The following ANO4 variants were observed in gnomAD, a reference collection of about 807,000 sequenced individuals.
ANO4 encodes the protein anoctamin-4.
In ANO4, 69 loss-of-function variants were observed where a neutral mutation model predicts 141.9. The observed-to-expected ratio is 0.49, with a 90% CI of 0.40 to 0.59. The LOEUF is 0.59. ANO4 is among the 20% of genes least tolerant of loss of function. ANO4 has a pLI of 0.00. For missense variants in ANO4, 894 were observed against 1,162.2 expected, an observed-to-expected ratio of 0.77 and a Z score of 3.36; for synonymous variants, 350 against 394.3, an observed-to-expected ratio of 0.89 and a Z score of 1.33.
intron 17 of ANO4, 144 bp downstream of exon 17, chr12:101,086,968 T>A (rs2049529256): frequency 1.0e-6 from 1 of 952,762 alleles, no homozygotes; most frequent in South Asian, 1.8e-5. Context: ...GTGCCTGGCA[T>A]GAAGATGCAC....
At chr12:100,819,953 C>T (rs530050643) in intron 1 of ANO4, among the ~76,000 whole-genome samples, 3 of 151,758 alleles carry the variant, frequency 2.0e-5, no homozygotes, top group South Asian at 2.1e-4. Flanking sequence ...TTGTTGGGGC[C>T]GTGTCTTATT....
At chr12:100,733,652 T>C in intron 1 of ANO4, 1 of 594,314 alleles carries the variant, frequency 1.7e-6, no homozygotes, top group Non-Finnish European at 3.0e-6. Context: ...TGAATGAGTA[T>C]GAGACTACCC....
chr12:100,912,410 GAAAAA>G (rs1232614824), intron 2 of ANO4, among the ~76,000 whole-genome samples: 30 of 49,394 alleles, frequency 6.1e-4, no homozygotes, highest in African/African-American at 1.9e-3. Context: ...AAAAAAAAAA[GAAAAA>G]AGAAAAAAAA....
chr12:100,815,670 T>C (rs754383638), intron 1 of ANO4, among the ~76,000 whole-genome samples: 51 of 152,078 alleles, frequency 3.4e-4, no homozygotes, highest in Admixed American at 3.3e-3. Flanking sequence ...ACAATTCAGA[T>C]TTACCAGCCT....
intron 4 of ANO4, among the ~76,000 whole-genome samples, chr12:100,940,124 T>G (rs1225527480): frequency 6.6e-6 from 1 of 151,936 alleles, no homozygotes. Flanking sequence ...CAGAGAAAAT[T>G]GTTTACTCTT....
chr12:100,868,584 C>T (rs2038876971), intron 1 of ANO4, among the ~76,000 whole-genome samples: 2 of 152,150 alleles, frequency 1.3e-5, no homozygotes, highest in Admixed American at 6.6e-5. Flanking sequence ...CCATTGATAA[C>T]AAAGACACTG....
rs2035066107 is a variant in ANO4, at chr12:100,806,562, TG to T, written c.-141+11536del. On this transcript the variant is annotated intron_variant, in intron 1 of 27. Transcript: ENST00000392977. ...TTTTTTTTTTTTTTTTTTTTTTTTG[TG>T]AGACAGAGTCTCGCTCTGTCACCCA... 3.1e-5 allele frequency among the ~76,000 whole-genome samples: 3 copies of T among 95,970 alleles called. 1 individual carries two copies. The highest frequency in any genetic ancestry group is 1.5e-4 in the African/African-American group (3 of 20,418). The allele number at this position is 95,970 out of a possible 152,430, so 63.0% of individuals were successfully genotyped here. A position where few individuals can be genotyped will look rare whatever the true frequency, so the allele number is the denominator to read the frequency against.
At chr12:100,919,758 A>G (rs892433868) in intron 2 of ANO4, among the ~76,000 whole-genome samples, 8 of 147,262 alleles carry the variant, frequency 5.4e-5, no homozygotes, top group Admixed American at 6.8e-5. Context: ...CTATCTATCT[A>G]TCTATCTATC....
At chr12:100,989,621 A>AGATG (rs375754773) in intron 8 of ANO4, among the ~76,000 whole-genome samples, 20,337 of 102,680 alleles carry the variant, frequency 0.2, 1,593 homozygotes, top group Admixed American at 0.24. Context: ...ATGGATGGAT[A>AGATG]GATGGATGGA....
upstream of ANO4, among the ~76,000 whole-genome samples, chr12:100,790,187 A>G (rs895508521): frequency 1.3e-5 from 2 of 152,212 alleles, no homozygotes; most frequent in Admixed American, 6.5e-5. Context: ...ATGAGATAAT[A>G]TAGGAAGTAA....
At chr12:100,806,290 A>T (rs146897065) in intron 1 of ANO4, among the ~76,000 whole-genome samples, 1 of 152,288 alleles carries the variant, frequency 6.6e-6, no homozygotes, top group African/African-American at 2.4e-5. Context: ...TACTCCCATC[A>T]GCAATGAATG....
chr12:100,948,122 G>A (rs1002780648), intron 5 of ANO4, among the ~76,000 whole-genome samples: 1 of 132,096 alleles, frequency 7.6e-6, no homozygotes, highest in African/African-American at 3.0e-5. Context: ...CTGCACTGCA[G>A]CCTGGGTGAC....
intron 8 of ANO4, among the ~76,000 whole-genome samples, chr12:101,011,532 T>C (rs1422221242): frequency 6.6e-6 from 1 of 152,114 alleles, no homozygotes; most frequent in Non-Finnish European, 1.5e-5. Flanking sequence ...GTGTACACTC[T>C]TTGTGAGCCA....
chr12:100,751,052 T>A (rs2032352314), intron 3 of ANO4, among the ~76,000 whole-genome samples: 1 of 152,142 alleles, frequency 6.6e-6, no homozygotes, highest in African/African-American at 2.4e-5. Context: ...GCTGGGACAG[T>A]CCTTCAACAT....
At chr12:100,734,066 A>G (rs2031505963) in intron 2 of ANO4, among the ~76,000 whole-genome samples, 1 of 152,220 alleles carries the variant, frequency 6.6e-6, no homozygotes, top group African/African-American at 2.4e-5. Flanking sequence ...GATGGAGGAA[A>G]TGTCCAGGGA....
At chr12:101,120,493 A>T (rs1211508045) in intron 25 of ANO4, 27 bp from the exon 26 acceptor site, 1 of 1,579,930 alleles carries the variant, frequency 6.3e-7, no homozygotes, top group Non-Finnish European at 8.7e-7. Context: ...CATAGTTTGA[A>T]TGCAACATTT....
At chr12:100,865,406 T>C (rs2038703119) in intron 1 of ANO4, among the ~76,000 whole-genome samples, 1 of 152,156 alleles carries the variant, frequency 6.6e-6, no homozygotes, top group African/African-American at 2.4e-5. Flanking sequence ...TTTTGCAATC[T>C]ATCCATCTGA....
chr12:100,930,267 T>C (rs1469358428), intron 3 of ANO4, among the ~76,000 whole-genome samples: 1 of 151,972 alleles, frequency 6.6e-6, no homozygotes, highest in Non-Finnish European at 1.5e-5. Flanking sequence ...AGTCCAATGT[T>C]CTGGAGAGTT....
chr12:101,076,952 G>C (rs979058177), intron 14 of ANO4, among the ~76,000 whole-genome samples: 9 of 152,198 alleles, frequency 5.9e-5, no homozygotes, highest in Non-Finnish European at 1.3e-4. Context: ...CAGCAGGCCT[G>C]CTTTAGAAAG....
Sources: allele counts gnomAD v4.1 joint callset (sites outside exome capture counted in the v4.1 genomes callset), GRCh38; gene constraint gnomAD v4.1.1; transcripts MANE v1.5; gene names NCBI Gene and HGNC (gene_info 2026-07-23, HGNC 2026-07-21).